The following OR51B5 variants were observed in gnomAD, a reference collection of about 807,000 sequenced individuals.
The protein encoded by OR51B5 is olfactory receptor 51B5.
For missense variants in OR51B5, 456 were observed against 374.6 expected, an observed-to-expected ratio of 1.22 and a Z score of -1.79; for synonymous variants, 186 against 144.8, an observed-to-expected ratio of 1.28 and a Z score of -2.04.
At chr11:5,379,621 G>T (rs1337423717) in intron 1 of OR51B5, among the ~76,000 whole-genome samples, 2 of 151,968 alleles carry the variant, frequency 1.3e-5, no homozygotes, top group African/African-American at 2.4e-5. Flanking sequence ...CCATTTGTAA[G>T]ATATGCATTT....
intron 1 of OR51B5, among the ~76,000 whole-genome samples, chr11:5,463,477 G>A (rs1022566589): frequency 1.1e-4 from 16 of 152,192 alleles, no homozygotes; most frequent in Non-Finnish European, 2.9e-5. Context: ...TGTTAATCAA[G>A]ATACTCTCCC....
rs947252077 is a variant in OR51B5 at position 5,357,932 on chromosome 11, T to C, written n.85-11022A>G. Among the ~76,000 whole-genome samples the C allele has an allele frequency of 3.3e-5, 5 of 152,180 alleles. No homozygotes were observed. The East Asian group carries it at 9.6e-4, about 29-fold the overall frequency. On this transcript the variant is annotated intron_variant and non_coding_transcript_variant, in intron 1 of 4. Transcript: ENST00000415970. Reference sequence around the variant, plus strand: ...AATGAAGGCAGAAATAAAAATGTTCTTTGGAACCAAAGAGAACAAAGACAC... The same window carrying C: ...AATGAAGGCAGAAATAAAAATGTTCCTTGGAACCAAAGAGAACAAAGACAC...
At position 5,352,111 on chromosome 11, in the gene OR51B5, T is replaced by C. The variant is rs776087708; in HGVS notation, n.85-5201A>G. On this transcript the variant is annotated intron_variant and non_coding_transcript_variant, in intron 1 of 4. Coordinates refer to the OR51B5 transcript ENST00000415970. ...CCGTCTCTATCCAGTTGTAGTTTTATTTGCAATGGTCTTGTTGGACTTTCT... is the reference window on the plus strand; with the variant it reads ...CCGTCTCTATCCAGTTGTAGTTTTACTTGCAATGGTCTTGTTGGACTTTCT... The C allele has an allele frequency of 1.9e-6, 3 of 1,614,182 alleles. No individual in the cohort carries two copies. In the South Asian group the frequency reaches 3.3e-5, roughly 18 times the overall value.
intron 1 of OR51B5, chr11:5,352,218 C>A (rs767448982): frequency 2.8e-5 from 45 of 1,613,910 alleles, no homozygotes; most frequent in Non-Finnish European, 3.6e-5. Flanking sequence ...AGGCCCTCAA[C>A]ACATGTGTCT....
intron 1 of OR51B5, among the ~76,000 whole-genome samples, chr11:5,365,841 A>C (rs1040701543): frequency 6.6e-6 from 1 of 152,152 alleles, no homozygotes; most frequent in Non-Finnish European, 1.5e-5. Context: ...TGGCTTGATG[A>C]CAGGATGAAG....
intron 1 of OR51B5, among the ~76,000 whole-genome samples, chr11:5,367,370 A>C (rs1849385730): frequency 6.6e-6 from 1 of 152,208 alleles, no homozygotes; most frequent in Admixed American, 6.5e-5. Flanking sequence ...CTATAGGCAG[A>C]ACAGTCCTGA....
intron 1 of OR51B5, among the ~76,000 whole-genome samples, chr11:5,450,671 G>A (rs1284391792): frequency 1.3e-5 from 2 of 152,076 alleles, no homozygotes; most frequent in East Asian, 3.9e-4. Context: ...ACTTTGTTTA[G>A]GGGTACCTGT....
intron 1 of OR51B5, chr11:5,403,669 T>A (rs1259846563): frequency 8.0e-6 from 3 of 375,722 alleles, no homozygotes; most frequent in Non-Finnish European, 1.6e-5. Flanking sequence ...TAACAGGAAG[T>A]TCTCTATAGT....
chr11:5,480,104 G>C (rs1421224124), intron 1 of OR51B5, among the ~76,000 whole-genome samples: 5 of 152,104 alleles, frequency 3.3e-5, no homozygotes, highest in Non-Finnish European at 5.9e-5. Context: ...CACGTACTTG[G>C]AAGTAAAGCT....
chr11:5,489,492 C>T lies in OR51B5; in HGVS notation n.84+16077G>A, dbSNP rs756017416. ...TCTACATCCCTGCCTTCTTCTCCTT[C>T]CTCACCCACCGCTTTGGTCACCACG... On this transcript the variant is annotated intron_variant and non_coding_transcript_variant, in intron 1 of 4. Transcript: ENST00000415970. The T allele has an allele frequency of 3.5e-5, 57 of 1,613,932 alleles. 1 individual carries two copies. In the Admixed American group the frequency reaches 9.3e-4, roughly 26 times the overall value.
At chr11:5,426,085 A>C (rs1050131075) in intron 1 of OR51B5, among the ~76,000 whole-genome samples, 6 of 152,218 alleles carry the variant, frequency 3.9e-5, no homozygotes, top group Non-Finnish European at 7.3e-5. Flanking sequence ...TCCAAAATGC[A>C]TATTGCTAAG....
intron 1 of OR51B5, among the ~76,000 whole-genome samples, chr11:5,388,995 A>C (rs1229107787): frequency 2.6e-5 from 4 of 152,200 alleles, no homozygotes; most frequent in Non-Finnish European, 5.9e-5. Context: ...TCTGGAAATC[A>C]AAAGAGAGAA....
intron 1 of OR51B5, among the ~76,000 whole-genome samples, chr11:5,430,282 G>T (rs1850515503): frequency 6.6e-6 from 1 of 151,980 alleles, no homozygotes; most frequent in African/African-American, 2.4e-5. Context: ...ATAGAATTTT[G>T]CTTTATTTAA....
chr11:5,351,965 C>T, intron 1 of OR51B5: 3 of 1,613,068 alleles, frequency 1.9e-6, no homozygotes, highest in Non-Finnish European at 2.5e-6. Context: ...GCTGGTCTGT[C>T]CATTATGCCA....
At chr11:5,346,333 G>T (rs953473564), upstream of OR51B5, 1 of 152,122 alleles carries the variant, frequency 6.6e-6, no homozygotes, top group African/African-American at 2.4e-5. Context: ...TGTGTCCTCA[G>T]CTAGTCGTGG....
At chr11:5,386,333 G>A (rs947062666) in intron 1 of OR51B5, among the ~76,000 whole-genome samples, 2 of 152,138 alleles carry the variant, frequency 1.3e-5, no homozygotes, top group Non-Finnish European at 2.9e-5. Context: ...GAGGCTACCA[G>A]GGCCATGCAT....
chr11:5,405,409 G>A (rs1850043804), intron 1 of OR51B5, among the ~76,000 whole-genome samples: 1 of 152,110 alleles, frequency 6.6e-6, no homozygotes, highest in South Asian at 2.1e-4. Flanking sequence ...GATCTCATTA[G>A]TAGTCAGTCA....
At chr11:5,389,850 A>C in intron 1 of OR51B5, 1 of 1,613,890 alleles carries the variant, frequency 6.2e-7, no homozygotes, top group Non-Finnish European at 8.5e-7. Flanking sequence ...ATCACTGGCC[A>C]GCAAGTGGTC....
intron 1 of OR51B5, among the ~76,000 whole-genome samples, chr11:5,464,683 TCATTGTTGGA>T (rs1286386766): frequency 1.7e-3 from 255 of 152,272 alleles, no homozygotes; most frequent in African/African-American, 6.0e-3. Flanking sequence ...ATTCAGTCTA[TCATTGTTGGA>T]CATTTGGGTT....
Sources: gnomAD v4.1 joint callset for allele counts (sites outside exome capture counted in the v4.1 genomes callset) on GRCh38, gnomAD v4.1.1 for gene constraint, MANE v1.5 for transcripts, NCBI Gene and HGNC (gene_info 2026-07-23, HGNC 2026-07-21) for gene names.